The following PPP2R5E variants were observed in gnomAD, a reference collection of about 807,000 sequenced individuals.
PPP2R5E encodes the protein serine/threonine-protein phosphatase 2A 56 kDa regulatory subunit epsilon isoform.
A neutral mutation model predicts 65.3 loss-of-function variants in PPP2R5E; 4 were observed. The observed-to-expected ratio is 0.06, with a 90% confidence interval of 0.03 to 0.14. The LOEUF (loss-of-function observed/expected upper bound fraction) is 0.14. Ranked by LOEUF, PPP2R5E falls within the 10% of genes least tolerant of loss-of-function variation. The pLI, the probability that PPP2R5E is intolerant of heterozygous loss-of-function variation, is 1.00. For synonymous variants in PPP2R5E, 183 were observed against 187.4 expected, an observed-to-expected ratio of 0.98 and a Z score of 0.19; for missense variants, 274 against 556.1, an observed-to-expected ratio of 0.49 and a Z score of 5.10.
chr14:63,462,073 ATTT>A (rs10717359), intron 2 of PPP2R5E, among the ~76,000 whole-genome samples: 33,966 of 144,644 alleles, frequency 0.23, 4,054 homozygotes, highest in East Asian at 0.32. Flanking sequence ...TTTCAACTGT[ATTT>A]TTTTTTTTTT....
chr14:63,467,888 T>C (rs1889917408), intron 2 of PPP2R5E, among the ~76,000 whole-genome samples: 1 of 152,216 alleles, frequency 6.6e-6, no homozygotes, highest in South Asian at 2.1e-4. Flanking sequence ...AGAGTTAGAC[T>C]GCCTGGAGTC....
At chr14:63,424,509 T>C (rs1887221286) in intron 3 of PPP2R5E, among the ~76,000 whole-genome samples, 1 of 152,008 alleles carries the variant, frequency 6.6e-6, no homozygotes, top group South Asian at 2.1e-4. Context: ...CCCAGCACTT[T>C]GAGAGGCCGA....
intron 2 of PPP2R5E, among the ~76,000 whole-genome samples, chr14:63,455,139 C>A (rs1889048558): frequency 6.6e-6 from 1 of 152,160 alleles, no homozygotes; most frequent in Non-Finnish European, 1.5e-5. Flanking sequence ...GAGAGGAGGG[C>A]AACAGCATAC....
At chr14:63,504,185 T>C (rs1469819663) in intron 2 of PPP2R5E, among the ~76,000 whole-genome samples, 2 of 152,034 alleles carry the variant, frequency 1.3e-5, no homozygotes, top group Non-Finnish European at 2.9e-5. Flanking sequence ...TTGTATAGAT[T>C]ATAAATTTCA....
At chr14:63,442,717 T>C (rs895935893) in intron 3 of PPP2R5E, among the ~76,000 whole-genome samples, 1 of 152,206 alleles carries the variant, frequency 6.6e-6, no homozygotes, top group Non-Finnish European at 1.5e-5. Context: ...TTATCATAGG[T>C]ATATATGTAT....
At chr14:63,521,835 G>A (rs1447736588) in intron 2 of PPP2R5E, among the ~76,000 whole-genome samples, 2 of 152,070 alleles carry the variant, frequency 1.3e-5, no homozygotes, top group Non-Finnish European at 2.9e-5. Context: ...CACAAACTGG[G>A]GGAAAACACC....
chr14:63,505,020 A>G (rs530257638), intron 2 of PPP2R5E, among the ~76,000 whole-genome samples: 1 of 152,308 alleles, frequency 6.6e-6, no homozygotes, highest in East Asian at 1.9e-4. Flanking sequence ...GAAATCTTAG[A>G]GCTGAAAGAA....
chr14:63,523,325 G>C (rs996716450), intron 2 of PPP2R5E, among the ~76,000 whole-genome samples: 1 of 152,158 alleles, frequency 6.6e-6, no homozygotes, highest in Non-Finnish European at 1.5e-5. Flanking sequence ...TGTGTAGTAG[G>C]AGGTAGACAT....
chr14:63,518,491 G>A (rs888508338), intron 2 of PPP2R5E, among the ~76,000 whole-genome samples: 22 of 152,038 alleles, frequency 1.4e-4, no homozygotes, highest in African/African-American at 2.7e-4. Context: ...AGATCCTCCC[G>A]TCTCAGCCTC....
rs968251706 is a variant in PPP2R5E, at chr14:63,491,499, A to G, written c.158-37614T>C. 2.0e-5 allele frequency among the ~76,000 whole-genome samples: 3 copies of G among 152,200 alleles called. No individual in the cohort carries two copies. In the East Asian group the frequency reaches 5.8e-4, roughly 29 times the overall value. ...AAAATAGCTCATTTTTATATTGGTT[A>G]CATGTTGAAATGATAATATTTTAGA... On this transcript the variant is annotated intron_variant, in intron 2 of 13. Transcript: ENST00000337537.
In PPP2R5E at chr14:63,375,173, A is replaced by G. The variant is rs3742624; in HGVS notation, c.*836T>C. ...AATGGTCCAAAAGGATGTTTTTCTC[A>G]CATTTCTAAAACATCTCTGGTATGT... On this transcript the variant is annotated 3_prime_UTR_variant, in exon 14 of 14. Coordinates refer to ENST00000337537, the MANE Select transcript of PPP2R5E (RefSeq NM_006246.5). 26,344 of 152,428 alleles carry G rather than the reference A, an allele frequency of 0.17. 3,396 individuals carry two copies. The highest frequency in any genetic ancestry group is 0.49 in the East Asian group (2,500 of 5,154). The allele number at this position is 152,428 out of a possible 1,614,324, so 9.4% of individuals were successfully genotyped here.
intron 2 of PPP2R5E, among the ~76,000 whole-genome samples, chr14:63,501,157 T>A (rs1490784426): frequency 6.6e-6 from 1 of 151,988 alleles, no homozygotes; most frequent in East Asian, 1.9e-4. Flanking sequence ...CCCAGCACTT[T>A]GGGAGGCCGA....
chr14:63,481,158 T>G (rs1481907942), intron 2 of PPP2R5E, among the ~76,000 whole-genome samples: 1 of 152,132 alleles, frequency 6.6e-6, no homozygotes, highest in Non-Finnish European at 1.5e-5. Flanking sequence ...CTTATTTATA[T>G]AATTAGGATT....
At chr14:63,431,361 T>G (rs1887661850) in intron 3 of PPP2R5E, among the ~76,000 whole-genome samples, 1 of 152,186 alleles carries the variant, frequency 6.6e-6, no homozygotes, top group Admixed American at 6.5e-5. Context: ...AGCCATCCAC[T>G]GCAGGTCTAG....
intron 2 of PPP2R5E, among the ~76,000 whole-genome samples, chr14:63,487,245 T>C (rs1260961907): frequency 6.6e-6 from 1 of 152,168 alleles, no homozygotes; most frequent in Non-Finnish European, 1.5e-5. Flanking sequence ...TCATATTACT[T>C]GAAAGTGAAA....
intron 2 of PPP2R5E, among the ~76,000 whole-genome samples, chr14:63,486,497 T>C (rs1891004996): frequency 6.6e-6 from 1 of 152,008 alleles, no homozygotes; most frequent in Non-Finnish European, 1.5e-5. Context: ...AGGCCAGTAT[T>C]CTTACTTTGA....
intron 5 of PPP2R5E, among the ~76,000 whole-genome samples, chr14:63,414,095 T>C (rs982790140): frequency 5.9e-5 from 9 of 152,208 alleles, no homozygotes; most frequent in African/African-American, 2.2e-4. Flanking sequence ...CCTGACCCTG[T>C]TGGATTGAAC....
intron 3 of PPP2R5E, among the ~76,000 whole-genome samples, chr14:63,440,783 CAA>C (rs763718989): frequency 1.1e-4 from 12 of 108,794 alleles, no homozygotes; most frequent in African/African-American, 2.2e-4. Flanking sequence ...CTAAAAAATA[CAA>C]AAAAAAAAAA....
chr14:63,481,263 G>A (rs745648099), intron 2 of PPP2R5E, among the ~76,000 whole-genome samples: 6 of 152,094 alleles, frequency 3.9e-5, no homozygotes, highest in East Asian at 3.8e-4. Context: ...TTGGGAGGCC[G>A]AGGCGGGTGA....
Sources: gnomAD v4.1 joint callset for allele counts (sites outside exome capture counted in the v4.1 genomes callset) on GRCh38, gnomAD v4.1.1 for gene constraint, MANE v1.5 for transcripts, NCBI Gene and HGNC (gene_info 2026-07-23, HGNC 2026-07-21) for gene names.